Variants in STAB2 observed in about 807,000 individuals in gnomAD.
STAB2 encodes stabilin-2.
STAB2 carries 288 observed loss-of-function variants against 338.1 expected under a neutral mutation model. The ratio of observed to expected loss-of-function variants is 0.85; its 90% CI spans 0.77 to 0.94. The LOEUF (loss-of-function observed/expected upper bound fraction) is 0.94, where lower values mean the gene tolerates loss of function less well. Among genes scored for constraint, STAB2 ranks in the 40% least tolerant of loss-of-function variants. The pLI is 0.00. For missense variants in STAB2, 3,141 were observed against 3,210.1 expected (o/e 0.98, Z 0.52); for synonymous variants, 1,202 against 1,193.3 (o/e 1.01, Z -0.15).
Position 103,760,348 on chromosome 12 carries a change from C to CCTCCT in STAB2, c.7249-951_7249-947dup, listed in dbSNP as rs377498947. Among the ~76,000 whole-genome samples, 855 of 152,298 alleles carry CCTCCT rather than the reference C, an allele frequency of 5.6e-3. 3 individuals carry two copies. The highest frequency in any genetic ancestry group is 0.02 in the African/African-American group (822 of 41,548). Reference sequence around the variant, plus strand: ...CAATCTCGGTTCACTGCAACCTCCCCCTCCTGGATTCAAGCGATCCTCCTG... The same window carrying CCTCCT: ...CAATCTCGGTTCACTGCAACCTCCCCCTCCTCTCCTGGATTCAAGCGATCCTCCTG... On this transcript the variant is annotated intron_variant, in intron 65 of 68. Transcript: ENST00000388887.
At position 103,608,146 on chromosome 12, in the gene STAB2, A is replaced by C. The variant is rs532739381; in HGVS notation, c.332-12322A>C. Among the ~76,000 whole-genome samples, 21 of 152,156 alleles carry C rather than the reference A, an allele frequency of 1.4e-4. No individual in the cohort carries two copies. The South Asian group carries it at 4.4e-3, about 32-fold the overall frequency. ...ATTTCTCTGATGGCCAGTGATGATG[A>C]GCAGTGATGATGAGCAGAGCCTCGC... On this transcript the variant is annotated intron_variant, in intron 3 of 68. Coordinates refer to ENST00000388887, the MANE Select transcript of STAB2 (RefSeq NM_017564.10).
At chr12:103,644,511 C>T (rs1022448529) in intron 9 of STAB2, among the ~76,000 whole-genome samples, 6 of 150,738 alleles carry the variant, frequency 4.0e-5, no homozygotes, top group Non-Finnish European at 7.4e-5. Flanking sequence ...CTGTGAGAAA[C>T]ACCCAAGAAT....
At chr12:103,649,042 G>A (rs1225869943) in intron 10 of STAB2, among the ~76,000 whole-genome samples, 1 of 152,180 alleles carries the variant, frequency 6.6e-6, no homozygotes, top group Non-Finnish European at 1.5e-5. Context: ...GAATTAGCAG[G>A]CAGAGAGCTG....
At chr12:103,737,282 C>T (rs1045023009) in intron 52 of STAB2, among the ~76,000 whole-genome samples, 1 of 152,210 alleles carries the variant, frequency 6.6e-6, no homozygotes, top group African/African-American at 2.4e-5. Context: ...TGCAAATGCC[C>T]ACACCACCAT....
intron 52 of STAB2, among the ~76,000 whole-genome samples, chr12:103,736,930 A>G (rs1418995610): frequency 2.0e-5 from 3 of 152,212 alleles, no homozygotes; most frequent in Non-Finnish European, 4.4e-5. Context: ...GACCTCAGGA[A>G]AGGAAGCCCT....
chr12:103,681,971 G>A (rs187660515), intron 25 of STAB2, among the ~76,000 whole-genome samples: 41 of 152,076 alleles, frequency 2.7e-4, no homozygotes, highest in African/African-American at 6.3e-4. Flanking sequence ...TAATTATATC[G>A]TATCAACCCT....
At chr12:103,587,708 T>C (rs1303787613) in intron 1 of STAB2, 151 bp downstream of exon 1, 3 of 693,276 alleles carry the variant, frequency 4.3e-6, no homozygotes, top group Non-Finnish European at 4.8e-6. Context: ...CTAATTGTGA[T>C]GCACCATCTT....
rs187331763 is a variant in STAB2, at chr12:103,642,614, C to A, written c.1040+2358C>A. Reference sequence around the variant, plus strand: ...CAGCCACTGCCAGATGTGTTTCCAGCAGTTTGACCCTTAGACCTGGGCAAC... The same window carrying A: ...CAGCCACTGCCAGATGTGTTTCCAGAAGTTTGACCCTTAGACCTGGGCAAC... On this transcript the variant is annotated intron_variant, in intron 9 of 68. Transcript: ENST00000388887. 4.7e-4 allele frequency among the ~76,000 whole-genome samples: 72 copies of A among 152,322 alleles called. No homozygotes were observed. In the East Asian group the frequency reaches 6.2e-3, roughly 13 times the overall value.
chr12:103,662,445 G>A (rs1162125910), intron 17 of STAB2, among the ~76,000 whole-genome samples: 1 of 152,212 alleles, frequency 6.6e-6, no homozygotes, highest in Non-Finnish European at 1.5e-5. Flanking sequence ...TTTGTTCACA[G>A]ATGTATACCC....
chr12:103,707,089 C>T, intron 38 of STAB2, 102 bp downstream of exon 38: 1 of 1,352,868 alleles, frequency 7.4e-7, no homozygotes, highest in Non-Finnish European at 1.0e-6. Context: ...TGGCCTGTCG[C>T]CCCAAGTGGG....
chr12:103,611,651 G>GTC (rs910460125), intron 3 of STAB2, among the ~76,000 whole-genome samples: 9 of 152,022 alleles, frequency 5.9e-5, no homozygotes, highest in African/African-American at 2.2e-4. Flanking sequence ...CAATTTGCCA[G>GTC]TGTGTCTTTT....
At chr12:103,662,670 A>G (rs1056421853) in intron 17 of STAB2, among the ~76,000 whole-genome samples, 176 bp from the exon 18 acceptor site, 1 of 152,230 alleles carries the variant, frequency 6.6e-6, no homozygotes, top group African/African-American at 2.4e-5. Flanking sequence ...CACTGAACAG[A>G]TTCAATCTTT....
intron 22 of STAB2, among the ~76,000 whole-genome samples, chr12:103,672,316 AG>A (rs939598133): frequency 6.6e-6 from 1 of 152,178 alleles, no homozygotes; most frequent in African/African-American, 2.4e-5. Context: ...GAAAAAAATC[AG>A]GGTTTATCCC....
At chr12:103,766,237 G>A (rs1258861796) in intron 68 of STAB2, 49 bp from the exon 69 acceptor site, 9 of 1,612,108 alleles carry the variant, frequency 5.6e-6, no homozygotes, top group Non-Finnish European at 6.8e-6. Flanking sequence ...ATTCAACTAG[G>A]ACTCAACACA....
intron 44 of STAB2, among the ~76,000 whole-genome samples, chr12:103,722,174 G>A (rs1056030215): frequency 3.3e-5 from 5 of 152,142 alleles, no homozygotes; most frequent in East Asian, 1.9e-4. Flanking sequence ...AGGCAAAGAC[G>A]GGGCAGGTGG....
At chr12:103,638,253 G>C (rs564024685) in intron 8 of STAB2, 41 bp downstream of exon 8, 1 of 1,527,104 alleles carries the variant, frequency 6.5e-7, no homozygotes, top group Admixed American at 2.0e-5. Context: ...CTAGAAGTTT[G>C]ACAAGCCACT....
At chr12:103,660,424 C>G (rs192270068) in intron 16 of STAB2, 40 bp downstream of exon 16, 22 of 1,604,452 alleles carry the variant, frequency 1.4e-5, no homozygotes, top group African/African-American at 2.7e-5. Flanking sequence ...CTCTCTGCTT[C>G]CAAGATAGCT....
chr12:103,684,941 C>T lies in STAB2; in HGVS notation c.2902-48C>T, dbSNP rs369840179. ...GTCGTCTCATAGATGTAACTCAGGTCTAACGTTTTTGTTGGGGTAACCATT... is the reference window on the plus strand; with the variant it reads ...GTCGTCTCATAGATGTAACTCAGGTTTAACGTTTTTGTTGGGGTAACCATT... On this transcript the variant is annotated intron_variant, in intron 26 of 68. Coordinates refer to ENST00000388887, the MANE Select transcript of STAB2 (RefSeq NM_017564.10). 22 of 1,584,240 alleles carry T rather than the reference C, an allele frequency of 1.4e-5. 1 individual carries two copies. In the East Asian group the frequency reaches 1.6e-4, roughly 11 times the overall value.
chr12:103,712,355 T>C lies in STAB2; in HGVS notation c.4335-12T>C. On this transcript the variant is annotated splice_polypyrimidine_tract_variant and intron_variant, in intron 40 of 68. Transcript: ENST00000388887. ...TTTTTCTACAAACCCCATTTGTCCTTCCTTGTTGCAGCTGCCTCACCAACT... is the reference window on the plus strand; with the variant it reads ...TTTTTCTACAAACCCCATTTGTCCTCCCTTGTTGCAGCTGCCTCACCAACT... 6.2e-7 allele frequency: 1 copy of C among 1,611,870 alleles called. No homozygotes were observed. The highest frequency in any genetic ancestry group is 8.5e-7 in the Non-Finnish European group (1 of 1,177,898).
Sources: allele counts gnomAD v4.1 joint callset (sites outside exome capture counted in the v4.1 genomes callset), GRCh38; gene constraint gnomAD v4.1.1; transcripts MANE v1.5; gene names NCBI Gene and HGNC (gene_info 2026-07-23, HGNC 2026-07-21).